PEAK1: variants seen among roughly 807,000 people sequenced by gnomAD.
The protein encoded by PEAK1 is pseudopodium enriched atypical kinase 1, also known as inactive tyrosine-protein kinase PEAK1.
In PEAK1, 54 loss-of-function variants were observed where a neutral mutation model predicts 124.7. That is an observed-to-expected ratio of 0.43 (90% CI 0.35 to 0.54). The LOEUF (loss-of-function observed/expected upper bound fraction) is 0.54, where lower values mean the gene tolerates loss of function less well. Among genes scored for constraint, PEAK1 ranks in the 20% least tolerant of loss-of-function variants. The pLI, the probability that PEAK1 is intolerant of heterozygous loss-of-function variation, is 0.01. For missense variants in PEAK1, 2,046 were observed against 2,134.5 expected, an observed-to-expected ratio of 0.96 and a Z score of 0.82; for synonymous variants, 719 against 760.0, an observed-to-expected ratio of 0.95 and a Z score of 0.89.
intron 1 of PEAK1, among the ~76,000 whole-genome samples, chr15:77,419,734 C>T (rs1236410474): frequency 6.6e-6 from 1 of 150,774 alleles, no homozygotes; most frequent in Non-Finnish European, 1.5e-5. Flanking sequence ...CCGGGGCCGC[C>T]GCCGAGGGAG....
chr15:77,269,374 T>C (rs140008033), intron 5 of PEAK1, among the ~76,000 whole-genome samples: 1 of 152,164 alleles, frequency 6.6e-6, no homozygotes, highest in African/African-American at 2.4e-5. Context: ...GCTATTCTTA[T>C]ATCAGACAAA....
At chr15:77,420,721 C>A (rs1052323508), upstream of PEAK1, 1 of 395,982 alleles carries the variant, frequency 2.5e-6, no homozygotes, top group Non-Finnish European at 4.4e-6. Flanking sequence ...CAAAATAATC[C>A]CTTCATTTTT....
intron 2 of PEAK1, among the ~76,000 whole-genome samples, chr15:77,325,863 A>G (rs1024593909): frequency 1.3e-5 from 2 of 152,108 alleles, no homozygotes; most frequent in Admixed American, 6.6e-5. Context: ...AATATAATAA[A>G]TTTTGGTTAC....
At chr15:77,234,410 T>C (rs1281378278) in intron 6 of PEAK1, among the ~76,000 whole-genome samples, 2 of 152,186 alleles carry the variant, frequency 1.3e-5, no homozygotes, top group African/African-American at 4.8e-5. Context: ...GTCATTCGTT[T>C]TAAAAATCTT....
intron 6 of PEAK1, among the ~76,000 whole-genome samples, chr15:77,190,890 C>T (rs538107706): frequency 6.6e-6 from 1 of 152,174 alleles, no homozygotes; most frequent in South Asian, 2.1e-4. Context: ...AAAACTTCAT[C>T]TATTATATTA....
intron 8 of PEAK1, among the ~76,000 whole-genome samples, chr15:77,153,657 T>C (rs1388503007): frequency 6.6e-6 from 1 of 152,226 alleles, no homozygotes; most frequent in African/African-American, 2.4e-5. Context: ...CTGCTTTGAA[T>C]GTGTCCCAGA....
chr15:77,232,849 G>A (rs978188283), intron 6 of PEAK1, among the ~76,000 whole-genome samples: 7 of 152,180 alleles, frequency 4.6e-5, no homozygotes, highest in Non-Finnish European at 7.4e-5. Flanking sequence ...GGGTTCAAGC[G>A]ATTCTCCTGC....
intron 2 of PEAK1, among the ~76,000 whole-genome samples, chr15:77,311,888 G>C (rs761411068): frequency 7.2e-5 from 11 of 151,976 alleles, no homozygotes; most frequent in Non-Finnish European, 1.5e-4. Context: ...AGACTATGCA[G>C]AGCCAATATA....
At chr15:77,250,248 T>TACAC (rs1293444339) in intron 6 of PEAK1, among the ~76,000 whole-genome samples, 1 of 72,600 alleles carries the variant, frequency 1.4e-5, no homozygotes, top group African/African-American at 3.8e-5. Context: ...TGTATATATA[T>TACAC]ATATATATAT....
chr15:77,163,544 T>G (rs923262140), intron 7 of PEAK1, among the ~76,000 whole-genome samples: 23 of 152,340 alleles, frequency 1.5e-4, no homozygotes, highest in African/African-American at 4.1e-4. Flanking sequence ...TCTGGGATAT[T>G]CGTTCAAGAC....
At chr15:77,134,435 G>C (rs2053145992) in intron 8 of PEAK1, among the ~76,000 whole-genome samples, 1 of 152,180 alleles carries the variant, frequency 6.6e-6, no homozygotes, top group Non-Finnish European at 1.5e-5. Context: ...GTCAACTTCT[G>C]TTCTGAACAC....
chr15:77,262,310 C>T (rs926285733), intron 5 of PEAK1, among the ~76,000 whole-genome samples: 3 of 152,074 alleles, frequency 2.0e-5, no homozygotes, highest in African/African-American at 7.2e-5. Flanking sequence ...AAGACACAGA[C>T]TGGCAAATTG....
downstream of PEAK1, chr15:77,105,439 T>A (rs1304440235): frequency 6.6e-6 from 1 of 152,148 alleles, no homozygotes; most frequent in East Asian, 1.9e-4. Flanking sequence ...GCCTATTTCC[T>A]TTTAGAGGTT....
intron 2 of PEAK1, among the ~76,000 whole-genome samples, chr15:77,320,991 C>A (rs988361395): frequency 1.9e-4 from 29 of 152,228 alleles, no homozygotes; most frequent in Non-Finnish European, 3.2e-4. Flanking sequence ...ACATGAACTC[C>A]TCATTTTTTA....
At chr15:77,207,756 C>T (rs900838184) in intron 6 of PEAK1, among the ~76,000 whole-genome samples, 1 of 152,074 alleles carries the variant, frequency 6.6e-6, no homozygotes, top group East Asian at 1.9e-4. Context: ...ATGGTGGATA[C>T]ATTACACAGT....
At chr15:77,347,146 G>A (rs906042603) in intron 2 of PEAK1, 17 of 873,324 alleles carry the variant, frequency 1.9e-5, no homozygotes, top group Non-Finnish European at 2.2e-5. Context: ...GAAGACAAAA[G>A]AAGGCCAGTG....
chr15:77,219,059 G>A (rs549437836), intron 6 of PEAK1, among the ~76,000 whole-genome samples: 3 of 152,164 alleles, frequency 2.0e-5, no homozygotes, highest in East Asian at 3.9e-4. Context: ...TATGGCTAAT[G>A]AAATATATAT....
intron 6 of PEAK1, among the ~76,000 whole-genome samples, chr15:77,237,386 T>C (rs2152905119): frequency 6.6e-6 from 1 of 150,998 alleles, no homozygotes. Flanking sequence ...TCTAAAATGT[T>C]TGTTATTTCC....
rs145129470 is a variant in PEAK1 at position 77,183,480 on chromosome 15, A to G, written c.-114-1440T>C. 4.2e-3 allele frequency among the ~76,000 whole-genome samples: 644 copies of G among 152,352 alleles called. 4 individuals carry two copies. The highest frequency in any genetic ancestry group is 0.014 in the African/African-American group (592 of 41,578). The stretch of plus-strand genomic sequence containing the variant: ...TTTCATTACAGATATGAATTAATAG[A>G]TGAACATTTGTAATCAATTTTGATG... On this transcript the variant is annotated intron_variant, in intron 6 of 9. Coordinates refer to ENST00000682557, the MANE Select transcript of PEAK1 (RefSeq NM_001385026.1).
Sources: gnomAD v4.1 joint callset for allele counts (sites outside exome capture counted in the v4.1 genomes callset) on GRCh38, gnomAD v4.1.1 for gene constraint, MANE v1.5 for transcripts, NCBI Gene and HGNC (gene_info 2026-07-23, HGNC 2026-07-21) for gene names.